The following AMN variants were observed in gnomAD, a reference collection of about 807,000 sequenced individuals.
AMN encodes the protein protein amnionless.
Under a neutral mutation model 49.1 loss-of-function variants are expected in AMN, and 40 were observed. That is an observed-to-expected ratio of 0.81 (90% CI 0.63 to 1.06). AMN has a LOEUF of 1.06. AMN is among the 50% of genes least tolerant of loss of function. AMN has a pLI of 0.00. For missense variants in AMN, 701 were observed against 662.8 expected (o/e 1.06, Z -0.63); for synonymous variants, 380 against 313.3 (o/e 1.21, Z -2.25).
rs554429778 is a variant in AMN, at chr14:102,928,682, C to CGCGTGGCGTG, written c.296-59_296-50dup. The stretch of plus-strand genomic sequence containing the variant: ...CGGGGCTTGGGAGGTCGTGCTCAGA[C>CGCGTGGCGTG]GCGTGGCGTGGCGTGGCGTGGCGTG... On this transcript the variant is annotated intron_variant, in intron 4 of 11. Transcript: ENST00000299155. 1.0e-3 allele frequency: 1,592 copies of CGCGTGGCGTG among 1,536,470 alleles called. 6 individuals are homozygous for CGCGTGGCGTG. The highest frequency in any genetic ancestry group is 4.8e-3 in the South Asian group (417 of 86,380).
At chr14:102,929,284 G>A in intron 6 of AMN, 26 bp downstream of exon 6, 5 of 1,436,266 alleles carry the variant, frequency 3.5e-6, no homozygotes, top group Middle Eastern at 2.5e-4. Context: ...GTGGAGTCGC[G>A]GGGGCCGCGC....
chr14:102,928,798 G>T lies in AMN; in HGVS notation c.336G>T (p.Trp112Cys), dbSNP rs775778646. 1.9e-6 allele frequency: 3 copies of T among 1,608,162 alleles called. No homozygotes were observed. Among genetic ancestry groups the T allele is most frequent in the Admixed American group, 3.3e-5 (2 of 59,986 alleles). The change falls in exon 5 of 12, where the codon TGG becomes TGT. Residue 112 changes from tryptophan (W) to cysteine (C), a missense_variant. Physicochemically the swap from Trp to Cys is radical, Grantham distance 215. Coordinates refer to ENST00000299155, the MANE Select transcript of AMN (RefSeq NM_030943.4). ...AVFRDSDRFSWHDPHLWRSGD... is the reference protein window; with the variant it reads ...AVFRDSDRFSCHDPHLWRSGD... ...TCCGCGACTCTGACCGCTTCTCCTG[G>T]CATGACCCGCACCTGTGGCGCTCTG...
At chr14:102,922,882 T>C (rs1891090728) in intron 1 of AMN, 151 bp downstream of exon 1, 3 of 1,115,728 alleles carry the variant, frequency 2.7e-6, no homozygotes, top group East Asian at 2.7e-5. Context: ...CGGCCCTGCC[T>C]CCCTCGTCTG....
intron 1 of AMN, chr14:102,923,303 A>G (rs1891103850): frequency 3.2e-6 from 1 of 309,076 alleles, no homozygotes; most frequent in African/African-American, 2.2e-5. Flanking sequence ...TTCCCGGCCC[A>G]GGTAGGACTC....
At chr14:102,927,994 A>G (rs1294468252) in intron 3 of AMN, among the ~76,000 whole-genome samples, 1 of 151,708 alleles carries the variant, frequency 6.6e-6, no homozygotes, top group Admixed American at 6.6e-5. Context: ...GCGGCCTCAG[A>G]CTCCCCAGGA....
chr14:102,923,756 T>C lies in AMN; in HGVS notation c.89T>C (p.Phe30Ser), dbSNP rs1378189780. The C allele has an allele frequency of 1.9e-6, 3 of 1,612,732 alleles. No individual in the cohort carries two copies. Among genetic ancestry groups the C allele is most frequent in the Admixed American group, 1.7e-5 (1 of 60,030 alleles). Residue 30 changes from phenylalanine (F) to serine (S), a missense_variant, in exon 2 of 12, where the codon TTC becomes TCC. Phe to Ser is a radical substitution (Grantham distance 155, BLOSUM62 -2). Transcript: ENST00000299155. ...VSKLWVPNTD[F>S]DVAANWSQNR... Reference sequence around the variant, plus strand: ...AAACTCTGGGTCCCCAACACGGACTTCGACGTCGCAGCCAACTGGAGCCAG... The same window carrying C: ...AAACTCTGGGTCCCCAACACGGACTCCGACGTCGCAGCCAACTGGAGCCAG...
chr14:102,929,602 A>G (rs1270272068), intron 7 of AMN, 53 bp from the exon 8 acceptor site: 8 of 1,547,160 alleles, frequency 5.2e-6, no homozygotes, highest in Admixed American at 2.0e-5. Flanking sequence ...CCCCCGCCTC[A>G]GTTTCCTGCC....
chr14:102,923,668 C>G (rs980878780), intron 1 of AMN, 43 bp from the exon 2 acceptor site: 1 of 1,538,190 alleles, frequency 6.5e-7, no homozygotes, highest in East Asian at 2.2e-5. Flanking sequence ...GAGAAGGGAG[C>G]ATCCCGGAGA....
chr14:102,930,632 C>T lies in AMN; in HGVS notation c.1314C>T (p.His438=). 1 of 1,601,786 alleles carries T rather than the reference C, an allele frequency of 6.2e-7. No individual in the cohort carries two copies. The highest frequency in any genetic ancestry group is 8.5e-7 in the Non-Finnish European group (1 of 1,175,436). ...AGGCGGCCGCAGACAGCACCAGCCACAGTTACTTCGTCAACCCTCTGTTCG... is the reference window on the plus strand; with the variant it reads ...AGGCGGCCGCAGACAGCACCAGCCATAGTTACTTCGTCAACCCTCTGTTCG... ...VPKAAADSTS[H]SYFVNPLFAG... The change falls in exon 12 of 12, where the codon CAC becomes CAT. Residue 438 remains histidine (H), a synonymous_variant. Transcript: ENST00000299155.
intron 3 of AMN, among the ~76,000 whole-genome samples, chr14:102,926,561 C>T (rs1252436291): frequency 6.6e-6 from 1 of 151,188 alleles, no homozygotes; most frequent in African/African-American, 2.4e-5. Context: ...CAACTACCAC[C>T]ACCACCACCA....
Position 102,929,938 on chromosome 14 carries a change from G to A in AMN, c.858G>A (p.Gly286=). 1 of 1,560,850 alleles carries A rather than the reference G, an allele frequency of 6.4e-7. No homozygotes were observed. Among genetic ancestry groups the A allele is most frequent in the Middle Eastern group, 1.7e-4 (1 of 5,968 alleles). The change falls in exon 9 of 12, where the codon GGG becomes GGA. Residue 286 remains glycine (G), a synonymous_variant. Coordinates refer to ENST00000299155, the MANE Select transcript of AMN (RefSeq NM_030943.4). Reference sequence around the variant, plus strand: ...CCCCTCCCCAGCCTCAGTACCACGGGCTGCAGGTGGCCGTGTCCAAGGTGC... The same window carrying A: ...CCCCTCCCCAGCCTCAGTACCACGGACTGCAGGTGGCCGTGTCCAAGGTGC... The part of the protein sequence containing the change: ...DTFLGLPQYH[G]LQVAVSKVPR...
In AMN at chr14:102,930,791, C is replaced by T. The variant is rs1476579511; in HGVS notation, c.*111C>T. On this transcript the variant is annotated 3_prime_UTR_variant, in exon 12 of 12. Transcript: ENST00000299155. ...CCAAACCTCCCCTTCCTTTCCCCCT[C>T]CTCCGGGGGCCAAGGACAGGGTGGC... 2.2e-5 allele frequency: 27 copies of T among 1,204,832 alleles called. No homozygotes were observed. Among genetic ancestry groups the T allele is most frequent in the Non-Finnish European group, 2.8e-5 (24 of 845,954 alleles). The allele number at this position is 1,204,832 out of a possible 1,614,324, so 74.6% of individuals were successfully genotyped here.
chr14:102,930,566 C>G lies in AMN; in HGVS notation c.1258-10C>G. The G allele has an allele frequency of 1.3e-6, 2 of 1,564,240 alleles. No individual in the cohort carries two copies. The highest frequency in any genetic ancestry group is 1.2e-5 in the South Asian group (1 of 85,196). ...GGCGCCGACCGCCGCCTGACCCTGT[C>G]ACCCCGCAGCCCCTGCCGCGGCGGC... is the stretch of plus-strand genomic sequence containing the variant. On this transcript the variant is annotated splice_polypyrimidine_tract_variant and intron_variant, in intron 11 of 11. Transcript: ENST00000299155.
intron 3 of AMN, among the ~76,000 whole-genome samples, chr14:102,926,485 C>T (rs1373763751): frequency 6.6e-6 from 1 of 152,172 alleles, no homozygotes; most frequent in African/African-American, 2.4e-5. Flanking sequence ...CCCCTTCACT[C>T]CTGCTCCAAG....
rs1390006527 is a variant in AMN, at chr14:102,929,348, C to T, written c.652-80C>T. 4.7e-6 allele frequency: 7 copies of T among 1,502,902 alleles called. No individual in the cohort carries two copies. The Admixed American group carries it at 6.5e-5, about 14-fold the overall frequency. 93.1% of individuals were successfully genotyped at this position (1,502,902 alleles called of 1,614,324 possible). On this transcript the variant is annotated intron_variant, in intron 6 of 11. Transcript: ENST00000299155. ...CCGCTGCGCTCCCACGGTCTCTCGC[C>T]GGCTTGCTTCTCGGAGGCATCGCCC...
intron 3 of AMN, among the ~76,000 whole-genome samples, chr14:102,925,767 C>T (rs571180707): frequency 1.6e-4 from 24 of 152,274 alleles, no homozygotes; most frequent in African/African-American, 5.3e-4. Flanking sequence ...GGGAACAGCG[C>T]AGGGGCAGGG....
At chr14:102,927,187 C>A (rs1891207289) in intron 3 of AMN, among the ~76,000 whole-genome samples, 1 of 152,194 alleles carries the variant, frequency 6.6e-6, no homozygotes, top group African/African-American at 2.4e-5. Context: ...AGCCACCGCT[C>A]CTGGCCTTAA....
chr14:102,923,602 C>A, intron 1 of AMN, 109 bp from the exon 2 acceptor site: 1 of 1,024,746 alleles, frequency 9.8e-7, no homozygotes, highest in East Asian at 2.4e-5. Context: ...GGTTCCTATG[C>A]GTCCCGGGTG....
Position 102,929,116 on chromosome 14 carries a change from C to T in AMN, c.514-5C>T. 1.3e-6 allele frequency: 2 copies of T among 1,597,558 alleles called. No individual in the cohort carries two copies. Among genetic ancestry groups the T allele is most frequent in the Non-Finnish European group, 1.7e-6 (2 of 1,179,618 alleles). On this transcript the variant is annotated splice_region_variant and splice_polypyrimidine_tract_variant and intron_variant, in intron 5 of 11. Transcript: ENST00000299155. ...TGGCTCCGGTGGGGACCCGGCTGCC[C>T]GCAGACGTTCACGCGCGACGAGGAC...
Sources: allele counts gnomAD v4.1 joint callset (sites outside exome capture counted in the v4.1 genomes callset), GRCh38; gene constraint gnomAD v4.1.1; transcripts MANE v1.5; gene names NCBI Gene and HGNC (gene_info 2026-07-23, HGNC 2026-07-21).